Variants in SSH1 observed in about 807,000 individuals in gnomAD.
SSH1 encodes slingshot protein phosphatase 1.
In SSH1, 43 loss-of-function variants were observed where a neutral mutation model predicts 79.7. The ratio of observed to expected loss-of-function variants is 0.54; its 90% CI spans 0.42 to 0.70. The LOEUF (loss-of-function observed/expected upper bound fraction) is 0.70, where lower values mean the gene tolerates loss of function less well. Among genes scored for constraint, SSH1 ranks in the 30% least tolerant of loss-of-function variants. The pLI is 0.00. For synonymous variants in SSH1, 599 were observed against 538.3 expected (o/e 1.11, Z -1.56); for missense variants, 1,206 against 1,358.8 (o/e 0.89, Z 1.77).
At position 108,792,838 on chromosome 12, in the gene SSH1, A is replaced by G. The variant is rs763524193; in HGVS notation, c.1350-9T>C. ...TGTTGTGCCGCTGTTTGCTGCGGGG[A>G]GAGAGGGTAGAGGAAGGTGAGGGGA... On this transcript the variant is annotated splice_polypyrimidine_tract_variant and intron_variant, in intron 13 of 14. Transcript: ENST00000326495. The G allele has an allele frequency of 2.9e-5, 47 of 1,612,444 alleles. No individual in the cohort carries two copies. The African/African-American group carries it at 4.0e-4, about 14-fold the overall frequency.
At chr12:108,797,125 T>C (rs1238230651) in intron 13 of SSH1, among the ~76,000 whole-genome samples, 1 of 151,180 alleles carries the variant, frequency 6.6e-6, no homozygotes, top group Non-Finnish European at 1.5e-5. Context: ...TTCATTGTTT[T>C]GTTTGTTTGT....
At chr12:108,843,126 C>T (rs570661806) in intron 2 of SSH1, among the ~76,000 whole-genome samples, 1 of 152,222 alleles carries the variant, frequency 6.6e-6, no homozygotes, top group East Asian at 1.9e-4. Context: ...TTCCCAGCCC[C>T]TAAAACAGGG....
At chr12:108,854,385 A>T (rs2039103324) in intron 1 of SSH1, among the ~76,000 whole-genome samples, 1 of 152,268 alleles carries the variant, frequency 6.6e-6, no homozygotes, top group African/African-American at 2.4e-5. Flanking sequence ...GTTATGATCC[A>T]TTCCTGAAAA....
chr12:108,802,988 T>A (rs1037679965), intron 10 of SSH1, among the ~76,000 whole-genome samples: 1 of 152,298 alleles, frequency 6.6e-6, no homozygotes. Flanking sequence ...ATCTTCATGA[T>A]GGAGTCTTTA....
chr12:108,794,404 C>T (rs1393503959), intron 13 of SSH1, among the ~76,000 whole-genome samples: 3 of 152,230 alleles, frequency 2.0e-5, no homozygotes, highest in Admixed American at 6.5e-5. Context: ...CGGTGTACCT[C>T]TCCCTCCTGC....
intron 2 of SSH1, among the ~76,000 whole-genome samples, chr12:108,847,124 A>C (rs114607891): frequency 0.029 from 4,460 of 152,058 alleles, 156 homozygotes; most frequent in African/African-American, 0.083. Flanking sequence ...GTCTCAAACT[A>C]CGGGGCTCAA....
At chr12:108,800,025 G>T (rs1039553566) in intron 12 of SSH1, among the ~76,000 whole-genome samples, 1 of 152,148 alleles carries the variant, frequency 6.6e-6, no homozygotes, top group Non-Finnish European at 1.5e-5. Flanking sequence ...CCCCCTAACT[G>T]CTGGTCTGAA....
intron 1 of SSH1, among the ~76,000 whole-genome samples, chr12:108,855,783 T>A (rs1243959287): frequency 6.6e-6 from 1 of 152,208 alleles, no homozygotes; most frequent in African/African-American, 2.4e-5. Context: ...ATCGCCAGTG[T>A]TCTTTTGCCT....
At chr12:108,796,640 T>A (rs1288035529) in intron 13 of SSH1, among the ~76,000 whole-genome samples, 1 of 152,382 alleles carries the variant, frequency 6.6e-6, no homozygotes, top group East Asian at 1.9e-4. Flanking sequence ...CTATCGTGGA[T>A]AATGTTGCTA....
chr12:108,815,007 A>G (rs1214989472), intron 5 of SSH1, among the ~76,000 whole-genome samples: 1 of 152,166 alleles, frequency 6.6e-6, no homozygotes, highest in Non-Finnish European at 1.5e-5. Flanking sequence ...GTGCTCCCTG[A>G]TGTGGCCCCA....
intron 2 of SSH1, among the ~76,000 whole-genome samples, chr12:108,848,077 AAAG>A (rs1344178965): frequency 7.9e-5 from 12 of 152,188 alleles, no homozygotes; most frequent in African/African-American, 2.9e-4. Flanking sequence ...GGGAGGGTGG[AAAG>A]GCCACCAACG....
At chr12:108,798,861 G>T in intron 13 of SSH1, 139 bp downstream of exon 13, 1 of 934,614 alleles carries the variant, frequency 1.1e-6, no homozygotes, top group Non-Finnish European at 1.7e-6. Flanking sequence ...GGCTCCCCCT[G>T]AGAGGCAGGA....
rs1305916495 is a variant in SSH1 at position 108,811,340 on chromosome 12, G to C, written c.402-12C>G. The stretch of plus-strand genomic sequence containing the variant: ...TGGTGCAGCTTTTACTGCGATGGGG[G>C]AGAGAAGACATGTGGAGTCAGCGTC... On this transcript the variant is annotated splice_polypyrimidine_tract_variant and intron_variant, in intron 5 of 14. Coordinates refer to ENST00000326495, the MANE Select transcript of SSH1 (RefSeq NM_018984.4). The C allele has an allele frequency of 6.2e-7, 1 of 1,613,990 alleles. No individual in the cohort carries two copies. The highest frequency in any genetic ancestry group is 1.1e-5 in the South Asian group (1 of 91,088).
chr12:108,841,529 C>T (rs1413833679), intron 2 of SSH1, among the ~76,000 whole-genome samples: 4 of 152,158 alleles, frequency 2.6e-5, no homozygotes, highest in East Asian at 1.9e-4. Flanking sequence ...TATATAGGGC[C>T]GGGTGCAGTG....
chr12:108,809,586 A>C (rs2137094690), intron 7 of SSH1, 107 bp downstream of exon 7: 1 of 944,148 alleles, frequency 1.1e-6, no homozygotes, highest in Non-Finnish European at 1.8e-6. Context: ...CGCCTCCCTC[A>C]ACATGCACAT....
At chr12:108,820,782 T>C (rs1337116874) in intron 3 of SSH1, among the ~76,000 whole-genome samples, 1 of 152,188 alleles carries the variant, frequency 6.6e-6, no homozygotes, top group African/African-American at 2.4e-5. Flanking sequence ...TTGATGGTAA[T>C]TCTAGGGAAA....
intron 1 of SSH1, among the ~76,000 whole-genome samples, chr12:108,856,489 C>T (rs566002502): frequency 6.6e-6 from 1 of 152,304 alleles, no homozygotes; most frequent in East Asian, 1.9e-4. Context: ...TGGGTCACAG[C>T]CACACAGAAA....
intron 8 of SSH1, among the ~76,000 whole-genome samples, 190 bp from the exon 9 acceptor site, chr12:108,806,584 CG>C (rs902886623): frequency 8.5e-5 from 13 of 152,262 alleles, no homozygotes; most frequent in African/African-American, 2.4e-4. Context: ...AGAACTCCCA[CG>C]GGAGTCAACA....
intron 1 of SSH1, among the ~76,000 whole-genome samples, chr12:108,855,356 C>T (rs1014259690): frequency 6.6e-6 from 1 of 152,040 alleles, no homozygotes; most frequent in African/African-American, 2.4e-5. Flanking sequence ...GGGGAGGCTG[C>T]AGGTGAGGGC....
Sources: allele counts gnomAD v4.1 joint callset (sites outside exome capture counted in the v4.1 genomes callset), GRCh38; gene constraint gnomAD v4.1.1; transcripts MANE v1.5; gene names NCBI Gene and HGNC (gene_info 2026-07-23, HGNC 2026-07-21).